The following GALNT18 variants were observed in gnomAD, a reference collection of about 807,000 sequenced individuals.
The protein encoded by GALNT18 is GalNAc-transferase 18.
GALNT18 carries 44 observed loss-of-function variants against 69.5 expected under a neutral mutation model. The observed-to-expected ratio is 0.63, with a 90% CI of 0.50 to 0.81. The LOEUF (loss-of-function observed/expected upper bound fraction) is 0.81, where lower values mean the gene tolerates loss of function less well. GALNT18 is among the 40% of genes least tolerant of loss of function. GALNT18 has a pLI of 0.00. For synonymous variants in GALNT18, 364 were observed against 318.2 expected, an observed-to-expected ratio of 1.14 and a Z score of -1.53; for missense variants, 715 against 810.0, an observed-to-expected ratio of 0.88 and a Z score of 1.42.
chr11:11,448,203 TG>T (rs968675991), intron 2 of GALNT18, among the ~76,000 whole-genome samples: 1 of 150,686 alleles, frequency 6.6e-6, no homozygotes, highest in African/African-American at 2.4e-5. Flanking sequence ...GAAAACACTG[TG>T]GGGGGGAGCT....
Position 11,541,096 on chromosome 11 carries a change from T to C in GALNT18, c.235+80263A>G, listed in dbSNP as rs1183569295. On this transcript the variant is annotated intron_variant, in intron 1 of 10. Transcript: ENST00000227756. This position sits in a 1 kb window ranked among gnomAD's most constrained non-coding sequence, Gnocchi z 4.8. Reference sequence around the variant, plus strand: ...TCCCTGCATGTCCCACATCCACTTCTCAGACCATAGTGTTCCCCACTGGCT... The same window carrying C: ...TCCCTGCATGTCCCACATCCACTTCCCAGACCATAGTGTTCCCCACTGGCT... Among the ~76,000 whole-genome samples, 6 of 152,194 alleles carry C rather than the reference T, an allele frequency of 3.9e-5. No individual in the cohort carries two copies. Among genetic ancestry groups the C allele is most frequent in the Non-Finnish European group, 2.9e-5 (2 of 68,038 alleles).
Position 11,605,903 on chromosome 11 carries a change from C to A in GALNT18, c.235+15456G>T, listed in dbSNP as rs115044534. Among the ~76,000 whole-genome samples, 1 of 152,180 alleles carries A rather than the reference C, an allele frequency of 6.6e-6. No individual in the cohort carries two copies. The highest frequency in any genetic ancestry group is 1.9e-4 in the East Asian group (1 of 5,196). ...CAGTGTGGAAAGCACACTGCACACA[C>A]GCTCATGCGCACACACACACACCAC... is the stretch of plus-strand genomic sequence containing the variant. On this transcript the variant is annotated intron_variant, in intron 1 of 10. Coordinates refer to ENST00000227756, the MANE Select transcript of GALNT18 (RefSeq NM_198516.3). The surrounding 1 kb of genome is among the most constrained non-coding windows in gnomAD (Gnocchi z 4.7).
rs1178852192 is a variant in GALNT18, at chr11:11,562,831, G to C, written c.235+58528C>G. ...GCTATTTAACCCAGGTCACGTGGAG[G>C]AAAGTGGCAAAAAAGACTTGAACTG... is the stretch of plus-strand genomic sequence containing the variant. On this transcript the variant is annotated intron_variant, in intron 1 of 10. Coordinates refer to ENST00000227756, the MANE Select transcript of GALNT18 (RefSeq NM_198516.3). The surrounding 1 kb of genome is among the most constrained non-coding windows in gnomAD (Gnocchi z 4.1). 6.6e-6 allele frequency among the ~76,000 whole-genome samples: 1 copy of C among 152,108 alleles called. No individual in the cohort carries two copies. Among genetic ancestry groups the C allele is most frequent in the Non-Finnish European group, 1.5e-5 (1 of 68,018 alleles).
rs1222576124 is a variant in GALNT18 at position 11,320,073 on chromosome 11, T to C, written c.1512+7013A>G. On this transcript the variant is annotated intron_variant, in intron 9 of 10. Coordinates refer to ENST00000227756, the MANE Select transcript of GALNT18 (RefSeq NM_198516.3). The surrounding 1 kb of genome is among the most constrained non-coding windows in gnomAD (Gnocchi z 4.9). The stretch of plus-strand genomic sequence containing the variant: ...GCCAATTTCATTACAGGCAATAAAA[T>C]TGAGGCATGAGGAGACACTCACCTA... Among the ~76,000 whole-genome samples the C allele has an allele frequency of 1.3e-5, 2 of 152,136 alleles. No individual in the cohort carries two copies. Among genetic ancestry groups the C allele is most frequent in the Non-Finnish European group, 2.9e-5 (2 of 68,004 alleles).
chr11:11,428,875 G>A (rs1282784649), intron 3 of GALNT18, among the ~76,000 whole-genome samples: 2 of 152,198 alleles, frequency 1.3e-5, no homozygotes, highest in African/African-American at 2.4e-5. Context: ...CTTAAAAGTC[G>A]TGTTCCCATC....
intron 10 of GALNT18, among the ~76,000 whole-genome samples, chr11:11,280,321 G>A (rs912780226): frequency 6.6e-6 from 1 of 152,154 alleles, no homozygotes. Flanking sequence ...TCCCCATGCT[G>A]AAAGAGACCT....
chr11:11,402,321 T>G lies in GALNT18; in HGVS notation c.596-23057A>C, dbSNP rs1399768760. Among the ~76,000 whole-genome samples, 3 of 152,238 alleles carry G rather than the reference T, an allele frequency of 2.0e-5. No individual in the cohort carries two copies. The highest frequency in any genetic ancestry group is 4.4e-5 in the Non-Finnish European group (3 of 68,034). On this transcript the variant is annotated intron_variant, in intron 3 of 10. Coordinates refer to ENST00000227756, the MANE Select transcript of GALNT18 (RefSeq NM_198516.3). This position sits in a 1 kb window ranked among gnomAD's most constrained non-coding sequence, Gnocchi z 4.0. The stretch of plus-strand genomic sequence containing the variant: ...TGAAATGTAAGCAACTCATCCAATA[T>G]TCTCAGAAAAAATAACTGTTGTCAT...
intron 10 of GALNT18, among the ~76,000 whole-genome samples, chr11:11,279,445 T>C (rs906843515): frequency 3.9e-5 from 6 of 152,268 alleles, no homozygotes; most frequent in South Asian, 2.1e-4. Context: ...GAAACGTTTA[T>C]ACCAAAAACA....
intron 1 of GALNT18, among the ~76,000 whole-genome samples, chr11:11,534,274 A>G (rs1386244739): frequency 6.6e-6 from 1 of 152,224 alleles, no homozygotes; most frequent in Non-Finnish European, 1.5e-5. Context: ...GGAGGCTGAT[A>G]TTCAAAGAGA....
intron 1 of GALNT18, among the ~76,000 whole-genome samples, chr11:11,525,632 CTTT>C (rs33938067): frequency 1.7e-5 from 2 of 118,654 alleles, no homozygotes; most frequent in Non-Finnish European, 3.3e-5. Flanking sequence ...GTGCATATTA[CTTT>C]TTTTTTTTTT....
Position 11,352,490 on chromosome 11 carries a change from A to T in GALNT18, c.1093-11486T>A, listed in dbSNP as rs570045458. 1.5e-5 allele frequency: 24 copies of T among 1,614,082 alleles called. No homozygotes were observed. The East Asian group carries it at 5.3e-4, about 36-fold the overall frequency. ...CCAATCTCCACATATCCAAACTATA[A>T]TCGTACATCTGATAGTCTACAAGTA... On this transcript the variant is annotated intron_variant, in intron 6 of 10. Coordinates refer to ENST00000227756, the MANE Select transcript of GALNT18 (RefSeq NM_198516.3).
In GALNT18 at chr11:11,270,934, C is replaced by T. The variant is rs1252052262; in HGVS notation, c.*210G>A. ...ATATTTTCCATCTGTCCCCTATTTA[C>T]AACTGCAAAATAGTTTGATATCATA... On this transcript the variant is annotated 3_prime_UTR_variant, in exon 11 of 11. Coordinates refer to ENST00000227756, the MANE Select transcript of GALNT18 (RefSeq NM_198516.3). 3 of 457,838 alleles carry T rather than the reference C, an allele frequency of 6.6e-6. No individual in the cohort carries two copies. Among genetic ancestry groups the T allele is most frequent in the South Asian group, 5.9e-5 (1 of 16,846 alleles). 28.4% of individuals were successfully genotyped at this position (457,838 alleles called of 1,614,324 possible).
chr11:11,434,613 G>T (rs1303909322), intron 2 of GALNT18, among the ~76,000 whole-genome samples: 1 of 152,204 alleles, frequency 6.6e-6, no homozygotes, highest in Non-Finnish European at 1.5e-5. Flanking sequence ...AGAGAGATTG[G>T]ATCAGAAACT....
chr11:11,393,411 T>C (rs1305521739), intron 3 of GALNT18, among the ~76,000 whole-genome samples: 2 of 152,228 alleles, frequency 1.3e-5, no homozygotes, highest in Admixed American at 6.5e-5. Context: ...AAACCTTGTG[T>C]ATTTTTCTGT....
Position 11,338,800 on chromosome 11 carries a change from C to A in GALNT18, c.1278+2019G>T, listed in dbSNP as rs1010175534. On this transcript the variant is annotated intron_variant, in intron 7 of 10. Coordinates refer to ENST00000227756, the MANE Select transcript of GALNT18 (RefSeq NM_198516.3). This position sits in a 1 kb window ranked among gnomAD's most constrained non-coding sequence, Gnocchi z 5.3. ...GATGCGGAATAATGAGAGCAGTCTG[C>A]CAAGGATGGATCCCCCATGGAGCAT... 2.6e-5 allele frequency among the ~76,000 whole-genome samples: 4 copies of A among 152,014 alleles called. No individual in the cohort carries two copies. The highest frequency in any genetic ancestry group is 9.7e-5 in the African/African-American group (4 of 41,392).
intron 1 of GALNT18, among the ~76,000 whole-genome samples, chr11:11,474,916 C>T (rs1856355997): frequency 6.6e-6 from 1 of 152,132 alleles, no homozygotes; most frequent in African/African-American, 2.4e-5. Context: ...TCTAAAATGC[C>T]CTGACCTGCC....
In GALNT18 at chr11:11,332,754, C is replaced by A. The variant is rs1394837181; in HGVS notation, c.1356G>T (p.Trp452Cys). Reference sequence around the variant, plus strand: ...TCTCTGGGTACACGCTGACCAGGTACCACCGGAAGGTCTTGCACTGCAGCT... The same window carrying A: ...TCTCTGGGTACACGCTGACCAGGTAACACCGGAAGGTCTTGCACTGCAGCT... ...RKQLQCKTFR[W>C]YLVSVYPEMR... The change falls in exon 8 of 11, where the codon TGG (tryptophan) becomes TGT (cysteine). Residue 452 changes from tryptophan (W) to cysteine (C), a missense_variant. Transcript: ENST00000227756. The surrounding 1 kb of genome is among the most constrained non-coding windows in gnomAD (Gnocchi z 4.3). 8 of 1,614,022 alleles carry A rather than the reference C, an allele frequency of 5.0e-6. No individual in the cohort carries two copies.
At chr11:11,450,248 A>T (rs1273440661) in intron 1 of GALNT18, among the ~76,000 whole-genome samples, 1 of 152,260 alleles carries the variant, frequency 6.6e-6, no homozygotes, top group East Asian at 1.9e-4. Context: ...GCCTGTATGG[A>T]GTCAATGGGT....
At position 11,271,060 on chromosome 11, in the gene GALNT18, C is replaced by T; in HGVS notation, c.*84G>A. 1.5e-6 allele frequency: 2 copies of T among 1,360,618 alleles called. No homozygotes were observed. Among genetic ancestry groups the T allele is most frequent in the South Asian group, 3.0e-5 (2 of 67,182 alleles). 84.3% of individuals were successfully genotyped at this position (1,360,618 alleles called of 1,614,324 possible). ...CCCACTAACCTGGTTCCCCAGACTC[C>T]AAACAACCCCACGTGGACAGCAGGC... On this transcript the variant is annotated 3_prime_UTR_variant, in exon 11 of 11. Transcript: ENST00000227756.
Sources: gnomAD v4.1 joint callset for allele counts (sites outside exome capture counted in the v4.1 genomes callset) on GRCh38, gnomAD v4.1.1 for gene constraint, Gnocchi (gnomAD v3.1) non-coding constraint, MANE v1.5 for transcripts, NCBI Gene and HGNC (gene_info 2026-07-23, HGNC 2026-07-21) for gene names.